Variants in FSTL5 observed in about 807,000 individuals in gnomAD.
FSTL5 encodes the protein follistatin like 5.
FSTL5 carries 62 observed loss-of-function variants against 89.1 expected under a neutral mutation model. The observed-to-expected ratio is 0.70, with a 90% CI of 0.57 to 0.86. The LOEUF is 0.86. Ranked by LOEUF, FSTL5 falls within the 40% of genes least tolerant of loss-of-function variation. The pLI is 0.00. For synonymous variants in FSTL5, 383 were observed against 346.2 expected (o/e 1.11, Z -1.18); for missense variants, 1,057 against 1,001.6 (o/e 1.06, Z -0.75).
intron 15 of FSTL5, among the ~76,000 whole-genome samples, chr4:161,409,680 A>G (rs1731521171): frequency 6.6e-6 from 1 of 152,166 alleles, no homozygotes; most frequent in Non-Finnish European, 1.5e-5. Flanking sequence ...GCACCCAGAC[A>G]GGAATATGTT....
intron 15 of FSTL5, among the ~76,000 whole-genome samples, chr4:161,407,971 G>T (rs2050562443): frequency 6.6e-6 from 1 of 152,186 alleles, no homozygotes; most frequent in Non-Finnish European, 1.5e-5. Context: ...CTGTGGCTCA[G>T]AAGGGCCTCA....
intron 7 of FSTL5, among the ~76,000 whole-genome samples, chr4:161,615,211 G>C (rs906521212): frequency 1.3e-5 from 2 of 148,510 alleles, no homozygotes. Flanking sequence ...GGAGAATGGC[G>C]TGAACCCGGG....
At chr4:161,703,540 C>T (rs143274084) in intron 6 of FSTL5, among the ~76,000 whole-genome samples, 201 of 152,134 alleles carry the variant, frequency 1.3e-3, no homozygotes, top group Non-Finnish European at 2.1e-3. Context: ...CCCTTTCCAT[C>T]GATGTAGTTT....
chr4:161,877,353 T>C (rs978615570), intron 4 of FSTL5, among the ~76,000 whole-genome samples: 1 of 150,486 alleles, frequency 6.6e-6, no homozygotes, highest in Non-Finnish European at 1.5e-5. Flanking sequence ...ACAAGAACCA[T>C]ATGTAATATT....
chr4:161,459,253 G>A lies in FSTL5; in HGVS notation c.1675C>T (p.Leu559=). The change falls in exon 14 of 16, where the codon CTA becomes TTA. Residue 559 remains leucine (L), a synonymous_variant. Transcript: ENST00000306100. ...GTCTTCTCCAAGGTACCCCAGCTTA[G>A]CACCCAGACCTGATCATGTGATTTG... is the stretch of plus-strand genomic sequence containing the variant. The part of the protein sequence containing the change: ...YDKSHDQVWV[L]SWGTLEKTSP... 6.2e-7 allele frequency: 1 copy of A among 1,613,190 alleles called. No homozygotes were observed. The highest frequency in any genetic ancestry group is 8.5e-7 in the Non-Finnish European group (1 of 1,179,304).
chr4:161,736,385 G>A (rs1220979999), intron 6 of FSTL5, among the ~76,000 whole-genome samples: 2 of 151,910 alleles, frequency 1.3e-5, no homozygotes, highest in Non-Finnish European at 2.9e-5. Context: ...ATAAAATGAA[G>A]GTCCCAAAAC....
chr4:161,706,290 T>A (rs1560800549), intron 6 of FSTL5, among the ~76,000 whole-genome samples: 1 of 151,740 alleles, frequency 6.6e-6, no homozygotes, highest in Admixed American at 6.6e-5. Context: ...AGGAAAGCAG[T>A]TGATAATAAT....
At position 161,509,198 on chromosome 4, in the gene FSTL5, G is replaced by A. The variant is rs994467002; in HGVS notation, c.1339+1200C>T. ...CGCTCCTGTAACCCCAGCTACTCGG[G>A]AGGCTAAGGCAGGAGAATTGCTTGA... is the stretch of plus-strand genomic sequence containing the variant. On this transcript the variant is annotated intron_variant, in intron 11 of 15. Coordinates refer to ENST00000306100, the MANE Select transcript of FSTL5 (RefSeq NM_020116.5). Among the ~76,000 whole-genome samples, 3 of 152,148 alleles carry A rather than the reference G, an allele frequency of 2.0e-5. No individual in the cohort carries two copies. In the South Asian group the frequency reaches 6.2e-4, roughly 32 times the overall value.
At chr4:161,867,392 G>A (rs79331603) in intron 4 of FSTL5, among the ~76,000 whole-genome samples, 6,004 of 151,882 alleles carry the variant, frequency 0.04, 187 homozygotes, top group East Asian at 0.15. Context: ...TCTGCATGAT[G>A]GAAGTTGATA....
chr4:161,590,207 T>C (rs1434363061), intron 7 of FSTL5, among the ~76,000 whole-genome samples: 1 of 152,128 alleles, frequency 6.6e-6, no homozygotes, highest in African/African-American at 2.4e-5. Flanking sequence ...AAGGATCTTC[T>C]ATTCAGAATA....
rs566402098 is a variant in FSTL5, at chr4:162,066,706, C to T, written c.127-33048G>A. 1.5e-3 allele frequency among the ~76,000 whole-genome samples: 222 copies of T among 150,736 alleles called. 1 individual carries two copies. The highest frequency in any genetic ancestry group is 5.2e-3 in the African/African-American group (214 of 41,022). On this transcript the variant is annotated intron_variant, in intron 2 of 15. Coordinates refer to ENST00000306100, the MANE Select transcript of FSTL5 (RefSeq NM_020116.5). ...TATTTGGTTTTCTGTTCCTGTGTTA[C>T]TCTGCTAAGAATGATGGCTTCCTGT...
At chr4:162,083,621 A>G (rs1254840674) in intron 2 of FSTL5, among the ~76,000 whole-genome samples, 1 of 151,816 alleles carries the variant, frequency 6.6e-6, no homozygotes, top group Non-Finnish European at 1.5e-5. Context: ...TAATTTTTCA[A>G]TAGGAAAATC....
At chr4:161,441,325 T>C (rs547575888) in intron 15 of FSTL5, among the ~76,000 whole-genome samples, 11 of 150,158 alleles carry the variant, frequency 7.3e-5, no homozygotes, top group African/African-American at 2.2e-4. Flanking sequence ...TTGAGCTTTA[T>C]AAATTACTTA....
chr4:161,385,609 A>G lies in FSTL5; in HGVS notation c.*138T>C. 1 of 627,126 alleles carries G rather than the reference A, an allele frequency of 1.6e-6. No individual in the cohort carries two copies. Among genetic ancestry groups the G allele is most frequent in the Non-Finnish European group, 2.7e-6 (1 of 364,210 alleles). 38.8% of individuals were successfully genotyped at this position (627,126 alleles called of 1,614,324 possible). On this transcript the variant is annotated 3_prime_UTR_variant, in exon 16 of 16. Transcript: ENST00000306100. ...TGTCTTAGTCACTTAGTCAAAAACA[A>G]TTTATTTTATTTGGACCAACCAAGT... is the stretch of plus-strand genomic sequence containing the variant.
intron 12 of FSTL5, among the ~76,000 whole-genome samples, chr4:161,490,236 G>A (rs1236139134): frequency 6.6e-6 from 1 of 152,012 alleles, no homozygotes; most frequent in East Asian, 1.9e-4. Context: ...GTTTGAAGAT[G>A]GAACATCCGA....
At chr4:161,937,164 C>A (rs1275098265) in intron 3 of FSTL5, among the ~76,000 whole-genome samples, 1 of 151,872 alleles carries the variant, frequency 6.6e-6, no homozygotes, top group Admixed American at 6.6e-5. Flanking sequence ...CATAACAAAA[C>A]CTGTAATTTA....
intron 1 of FSTL5, among the ~76,000 whole-genome samples, chr4:162,143,186 C>G (rs1462057579): frequency 6.6e-6 from 1 of 151,632 alleles, no homozygotes; most frequent in Non-Finnish European, 1.5e-5. Flanking sequence ...CATAATTAGC[C>G]ATCTGTAATT....
At chr4:161,856,929 G>A (rs1361986692) in intron 4 of FSTL5, among the ~76,000 whole-genome samples, 1 of 152,004 alleles carries the variant, frequency 6.6e-6, no homozygotes. Flanking sequence ...ATGCTGAAGG[G>A]AAGAAAAAAC....
rs559500365 is a variant in FSTL5, at chr4:161,685,959, T to C, written c.728-29465A>G. The stretch of plus-strand genomic sequence containing the variant: ...AGGCCAATTTTGCTGAGAGTTTTAA[T>C]CATAAAGAAACGCTGGATTTTGTCA... On this transcript the variant is annotated intron_variant, in intron 6 of 15. Coordinates refer to ENST00000306100, the MANE Select transcript of FSTL5 (RefSeq NM_020116.5). Among the ~76,000 whole-genome samples, 3 of 152,240 alleles carry C rather than the reference T, an allele frequency of 2.0e-5. No individual in the cohort carries two copies. The East Asian group carries it at 5.8e-4, about 29-fold the overall frequency.
Sources: gnomAD v4.1 joint callset for allele counts (sites outside exome capture counted in the v4.1 genomes callset) on GRCh38, gnomAD v4.1.1 for gene constraint, MANE v1.5 for transcripts, NCBI Gene and HGNC (gene_info 2026-07-23, HGNC 2026-07-21) for gene names.